The following DGKH variants were observed in gnomAD, a reference collection of about 807,000 sequenced individuals.
DGKH encodes DAG kinase eta.
In DGKH, 90 loss-of-function variants were observed where a neutral mutation model predicts 159.3. The observed-to-expected ratio is 0.57, with a 90% confidence interval of 0.48 to 0.67. DGKH has a LOEUF of 0.67. Among genes scored for constraint, DGKH ranks in the 30% least tolerant of loss-of-function variants. DGKH has a pLI of 0.00. For missense variants in DGKH, 1,181 were observed against 1,506.1 expected, an observed-to-expected ratio of 0.78 and a Z score of 3.57; for synonymous variants, 536 against 553.8, an observed-to-expected ratio of 0.97 and a Z score of 0.45.
chr13:42,054,604 A>T (rs1881613014), intron 1 of DGKH, among the ~76,000 whole-genome samples: 1 of 152,182 alleles, frequency 6.6e-6, no homozygotes. Context: ...TGCTGGGGAG[A>T]ACTGGATAAC....
intron 1 of DGKH, among the ~76,000 whole-genome samples, chr13:42,099,902 T>G (rs982690120): frequency 2.6e-5 from 4 of 152,164 alleles, no homozygotes; most frequent in Non-Finnish European, 5.9e-5. Flanking sequence ...TAAGAATTGT[T>G]CTAAATTTTG....
At chr13:42,151,018 G>A (rs1955865657) in intron 3 of DGKH, among the ~76,000 whole-genome samples, 1 of 152,164 alleles carries the variant, frequency 6.6e-6, no homozygotes, top group African/African-American at 2.4e-5. Context: ...GCTGCAAGCG[G>A]AGGAAGGTAG....
intron 1 of DGKH, among the ~76,000 whole-genome samples, chr13:42,102,133 T>G (rs1345336154): frequency 6.6e-6 from 1 of 152,230 alleles, no homozygotes; most frequent in African/African-American, 2.4e-5. Context: ...CCGTCTCACC[T>G]CAGGCTGAGT....
At chr13:42,155,478 A>T in intron 4 of DGKH, 83 bp downstream of exon 4, 1 of 1,480,532 alleles carries the variant, frequency 6.8e-7, no homozygotes, top group Admixed American at 1.9e-5. Context: ...GTGCAAACAT[A>T]AGTATGTGTA....
chr13:42,074,937 T>G (rs1439664889), intron 1 of DGKH, among the ~76,000 whole-genome samples: 1 of 152,222 alleles, frequency 6.6e-6, no homozygotes, highest in Non-Finnish European at 1.5e-5. Flanking sequence ...GGGCTTTGTT[T>G]CACATGGAGC....
chr13:42,220,187 A>G lies in DGKH; in HGVS notation c.3442+393A>G, dbSNP rs949360146. ...ATTTGTTTTTCTTCTTTTAAGTACA[A>G]TTTTTAGATTACTTTGATAAATGGA... is the stretch of plus-strand genomic sequence containing the variant. On this transcript the variant is annotated intron_variant, in intron 28 of 29. Transcript: ENST00000337343. Among the ~76,000 whole-genome samples the G allele has an allele frequency of 1.2e-4, 19 of 152,304 alleles. No individual in the cohort carries two copies. In the East Asian group the frequency reaches 2.1e-3, roughly 17 times the overall value.
At chr13:42,174,267 T>G (rs1038279143) in intron 12 of DGKH, 123 bp downstream of exon 12, 3 of 810,774 alleles carry the variant, frequency 3.7e-6, no homozygotes, top group Admixed American at 2.7e-5. Flanking sequence ...ATTTTATTTT[T>G]GGGGTATGGT....
downstream of DGKH, among the ~76,000 whole-genome samples, chr13:42,244,680 G>A (rs540332905): frequency 3.9e-5 from 6 of 151,982 alleles, no homozygotes; most frequent in East Asian, 5.8e-4. Context: ...CGAGGCGGGC[G>A]GATCACGAGG....
chr13:42,126,782 C>T (rs777012052), intron 1 of DGKH, among the ~76,000 whole-genome samples: 1 of 152,182 alleles, frequency 6.6e-6, no homozygotes, highest in Non-Finnish European at 1.5e-5. Flanking sequence ...TCCTTCAAGA[C>T]CCACCTTGGG....
intron 1 of DGKH, among the ~76,000 whole-genome samples, chr13:42,042,260 T>A (rs1880558259): frequency 2.0e-5 from 3 of 152,278 alleles, no homozygotes; most frequent in Non-Finnish European, 2.9e-5. Flanking sequence ...ACTTTACTTT[T>A]AAACTTTCCT....
rs947954766 is a variant in DGKH, at chr13:42,174,202, AAAAG to A, written c.1452+64_1452+67del. On this transcript the variant is annotated intron_variant, in intron 12 of 29. Coordinates refer to ENST00000337343, the MANE Select transcript of DGKH (RefSeq NM_178009.5). ...TGGGGGTGGATATCTTGAGAAAAAAAAAAGAAAGAGAGAGAAAATGTACTCCTAA... is the reference window on the plus strand; with the variant it reads ...TGGGGGTGGATATCTTGAGAAAAAAAAAAGAGAGAGAAAATGTACTCCTAA... 5.6e-5 allele frequency: 76 copies of A among 1,364,884 alleles called. No individual in the cohort carries two copies. The Admixed American group carries it at 8.2e-4, about 15-fold the overall frequency. The allele number at this position is 1,364,884 out of a possible 1,614,324, so 84.5% of individuals were successfully genotyped here.
chr13:42,212,790 TG>T (rs1440298574), intron 24 of DGKH, among the ~76,000 whole-genome samples: 3 of 152,184 alleles, frequency 2.0e-5, no homozygotes, highest in Non-Finnish European at 4.4e-5. Context: ...GGGAGAAATG[TG>T]GCCAAAGGAT....
At chr13:42,254,888 CT>C (rs931537957) in intron 30 of DGKH, among the ~76,000 whole-genome samples, 80 of 151,858 alleles carry the variant, frequency 5.3e-4, no homozygotes, top group African/African-American at 1.8e-3. Flanking sequence ...TTATGCATTT[CT>C]TTTTTTAAAA....
chr13:42,221,169 G>A lies in DGKH; in HGVS notation c.3443-95G>A, dbSNP rs7989440. On this transcript the variant is annotated intron_variant, in intron 28 of 29. Coordinates refer to ENST00000337343, the MANE Select transcript of DGKH (RefSeq NM_178009.5). The stretch of plus-strand genomic sequence containing the variant: ...AACCTTTTCTTTTGCTAGCACTGCC[G>A]CTGCACTCTGTTTTGCATCTTCTTT... The A allele has an allele frequency of 0.012, 17,552 of 1,494,764 alleles. 806 individuals carry two copies. The East Asian group carries it at 0.13, about 11-fold the overall frequency. 92.6% of individuals were successfully genotyped at this position (1,494,764 alleles called of 1,614,324 possible). A position where few individuals can be genotyped will look rare whatever the true frequency, so the allele number is the denominator to read the frequency against.
chr13:42,045,759 AATGTAAC>A (rs2137626922), upstream of DGKH, among the ~76,000 whole-genome samples: 1 of 152,360 alleles, frequency 6.6e-6, no homozygotes, highest in Non-Finnish European at 1.5e-5. Context: ...CAGGATATAA[AATGTAAC>A]ATTCTGCGTA....
At chr13:42,094,067 A>G (rs970375966) in intron 1 of DGKH, among the ~76,000 whole-genome samples, 4 of 141,562 alleles carry the variant, frequency 2.8e-5, no homozygotes, top group Admixed American at 1.5e-4. Context: ...AAATTGAACA[A>G]TGAGAACACA....
rs567778278 is a variant in DGKH at position 42,094,487 on chromosome 13, A to G, written c.193-32976A>G. ...GTCTTTGAGAAGCATCACGAAGTTC[A>G]AAGAGGTCTGTCTTGGTATCTCTGT... is the stretch of plus-strand genomic sequence containing the variant. On this transcript the variant is annotated intron_variant, in intron 1 of 29. Transcript: ENST00000337343. Among the ~76,000 whole-genome samples, 250 of 152,302 alleles carry G rather than the reference A, an allele frequency of 1.6e-3. 1 individual carries two copies. Among genetic ancestry groups the G allele is most frequent in the Non-Finnish European group, 3.1e-3 (209 of 68,026 alleles).
At chr13:42,054,366 C>G (rs2137650044) in intron 1 of DGKH, among the ~76,000 whole-genome samples, 1 of 152,256 alleles carries the variant, frequency 6.6e-6, no homozygotes, top group East Asian at 1.9e-4. Context: ...ATACTGACAG[C>G]CTTATTGCTC....
chr13:42,219,507 C>G (rs182935584), intron 27 of DGKH, among the ~76,000 whole-genome samples, 158 bp downstream of exon 27: 1 of 152,096 alleles, frequency 6.6e-6, no homozygotes, highest in Non-Finnish European at 1.5e-5. Context: ...TTTATGTGAA[C>G]GCATTTTAGG....
Sources: allele counts gnomAD v4.1 joint callset (sites outside exome capture counted in the v4.1 genomes callset), GRCh38; gene constraint gnomAD v4.1.1; transcripts MANE v1.5; gene names NCBI Gene and HGNC (gene_info 2026-07-23, HGNC 2026-07-21).